HHIP: variants seen among roughly 807,000 people sequenced by gnomAD.
HHIP encodes the protein hedgehog-interacting protein.
A neutral mutation model predicts 74.0 loss-of-function variants in HHIP; 12 were observed. That is an observed-to-expected ratio of 0.16 (90% confidence interval 0.10 to 0.26). HHIP has a LOEUF of 0.26. Ranked by LOEUF, HHIP falls within the 10% of genes least tolerant of loss-of-function variation. HHIP has a pLI of 1.00. For missense variants in HHIP, 788 were observed against 845.0 expected (o/e 0.93, Z 0.84); for synonymous variants, 309 against 311.6 (o/e 0.99, Z 0.09).
At position 144,665,095 on chromosome 4, in the gene HHIP, C is replaced by G. The variant is rs1386919102; in HGVS notation, c.831+5257C>G. ...GTGTGTGTTTGTTCATTTTTTGAGACAGAGTCTTGCTCTGTTGCCCAGGCT... is the reference window on the plus strand; with the variant it reads ...GTGTGTGTTTGTTCATTTTTTGAGAGAGAGTCTTGCTCTGTTGCCCAGGCT... On this transcript the variant is annotated intron_variant, in intron 4 of 12. Transcript: ENST00000296575. Among the ~76,000 whole-genome samples, 2 of 152,164 alleles carry G rather than the reference C, an allele frequency of 1.3e-5. 1 individual carries two copies.
chr4:144,703,700 G>A (rs768427063), intron 4 of HHIP, among the ~76,000 whole-genome samples: 1 of 152,162 alleles, frequency 6.6e-6, no homozygotes, highest in Non-Finnish European at 1.5e-5. Flanking sequence ...AGTACAGGAG[G>A]CTGGGAGGTC....
At chr4:144,691,168 T>C (rs966947090) in intron 4 of HHIP, among the ~76,000 whole-genome samples, 4 of 152,064 alleles carry the variant, frequency 2.6e-5, no homozygotes, top group African/African-American at 7.2e-5. Flanking sequence ...AACTTTCCAA[T>C]AGAAAAAAAA....
intron 4 of HHIP, among the ~76,000 whole-genome samples, chr4:144,673,179 T>G (rs1729087883): frequency 6.6e-6 from 1 of 152,228 alleles, no homozygotes; most frequent in Non-Finnish European, 1.5e-5. Context: ...ACCTGTAAAA[T>G]GAGAGGATCA....
intron 4 of HHIP, among the ~76,000 whole-genome samples, chr4:144,701,350 G>C (rs1376996510): frequency 6.7e-6 from 1 of 149,402 alleles, no homozygotes; most frequent in African/African-American, 2.5e-5. Flanking sequence ...AAGTTTTAGA[G>C]TGGAGAAAGC....
intron 4 of HHIP, among the ~76,000 whole-genome samples, chr4:144,698,693 T>C (rs1340244802): frequency 6.6e-6 from 1 of 152,120 alleles, no homozygotes; most frequent in Non-Finnish European, 1.5e-5. Flanking sequence ...AAGGGAGAAT[T>C]CCTATTAGAA....
intron 4 of HHIP, among the ~76,000 whole-genome samples, chr4:144,681,363 CT>C (rs1729334440): frequency 6.6e-6 from 1 of 151,258 alleles, no homozygotes; most frequent in African/African-American, 2.4e-5. Flanking sequence ...AAAAAAAAGC[CT>C]TTGCTTTTGC....
Position 144,690,626 on chromosome 4 carries a change from G to A in HHIP, c.832-15905G>A, listed in dbSNP as rs368284222. 5.2e-4 allele frequency among the ~76,000 whole-genome samples: 79 copies of A among 152,314 alleles called. No individual in the cohort carries two copies. The South Asian group carries it at 0.015, about 30-fold the overall frequency. On this transcript the variant is annotated intron_variant, in intron 4 of 12. Transcript: ENST00000296575. ...CGAACATGAGATGGAATGACAGAGCGGAGACTGGAAAGAGAGGTTAAGACC... is the reference window on the plus strand; with the variant it reads ...CGAACATGAGATGGAATGACAGAGCAGAGACTGGAAAGAGAGGTTAAGACC...
At chr4:144,693,406 G>T (rs1366398358) in intron 4 of HHIP, among the ~76,000 whole-genome samples, 1 of 151,914 alleles carries the variant, frequency 6.6e-6, no homozygotes, top group Middle Eastern at 3.2e-3. Flanking sequence ...ATTAATCATA[G>T]ATATTTAAAT....
intron 1 of HHIP, 51 bp downstream of exon 1, chr4:144,647,005 G>T: frequency 6.6e-7 from 1 of 1,507,186 alleles, no homozygotes; most frequent in African/African-American, 1.4e-5. Flanking sequence ...TGGCTGGGTG[G>T]GGTTCCCTGT....
At chr4:144,677,725 C>T (rs551819821) in intron 4 of HHIP, among the ~76,000 whole-genome samples, 1 of 152,318 alleles carries the variant, frequency 6.6e-6, no homozygotes, top group Non-Finnish European at 1.5e-5. Flanking sequence ...TCAATCCTGC[C>T]TGACATTCTC....
chr4:144,698,031 T>G (rs1706370836), intron 4 of HHIP, among the ~76,000 whole-genome samples: 1 of 152,176 alleles, frequency 6.6e-6, no homozygotes, highest in Admixed American at 6.6e-5. Context: ...ACTTTTCTAA[T>G]TTGTCTGCAT....
intron 7 of HHIP, among the ~76,000 whole-genome samples, chr4:144,709,509 C>T (rs1018147256): frequency 7.2e-5 from 11 of 152,188 alleles, no homozygotes; most frequent in Non-Finnish European, 1.5e-4. Context: ...GATGCCTGTG[C>T]TGCGGAGCCT....
chr4:144,721,306 AAC>A (rs986019585), intron 11 of HHIP, among the ~76,000 whole-genome samples: 4 of 151,376 alleles, frequency 2.6e-5, no homozygotes. Context: ...CACACACAAA[AAC>A]ACACACACAC....
chr4:144,713,615 A>G (rs552953570), intron 8 of HHIP, among the ~76,000 whole-genome samples: 1 of 152,282 alleles, frequency 6.6e-6, no homozygotes, highest in African/African-American at 2.4e-5. Flanking sequence ...GACTATACAC[A>G]TGTAATCAGG....
chr4:144,678,589 G>A (rs1729238364), intron 4 of HHIP, among the ~76,000 whole-genome samples: 1 of 151,792 alleles, frequency 6.6e-6, no homozygotes, highest in Admixed American at 6.6e-5. Context: ...TCCCCTCCCT[G>A]TGTCCACATG....
intron 7 of HHIP, among the ~76,000 whole-genome samples, chr4:144,709,756 C>A (rs1311053808): frequency 6.6e-6 from 1 of 152,134 alleles, no homozygotes; most frequent in Non-Finnish European, 1.5e-5. Context: ...CCCACTTCTC[C>A]CACTCCCCTT....
intron 1 of HHIP, chr4:144,648,280 T>C (rs1728325416): frequency 6.6e-6 from 1 of 152,198 alleles, no homozygotes; most frequent in Non-Finnish European, 1.5e-5. Flanking sequence ...CACCATTGTA[T>C]TTGTTAGTTG....
chr4:144,706,488 A>T (rs201522180), intron 4 of HHIP, 43 bp from the exon 5 acceptor site: 44 of 1,496,340 alleles, frequency 2.9e-5, no homozygotes, highest in Non-Finnish European at 5.4e-6. Flanking sequence ...AATAAAGAAC[A>T]TAATTAACTT....
intron 11 of HHIP, among the ~76,000 whole-genome samples, chr4:144,731,505 C>T (rs1379974387): frequency 6.6e-5 from 10 of 152,094 alleles, no homozygotes; most frequent in South Asian, 2.1e-4. Context: ...CTGCAACCTC[C>T]GCCTCCTGGG....
Sources: gnomAD v4.1 joint callset for allele counts (sites outside exome capture counted in the v4.1 genomes callset) on GRCh38, gnomAD v4.1.1 for gene constraint, MANE v1.5 for transcripts, NCBI Gene and HGNC (gene_info 2026-07-23, HGNC 2026-07-21) for gene names.